CENPP: variants seen among roughly 807,000 people sequenced by gnomAD.
CENPP encodes the protein centromere protein P.
CENPP carries 24 observed loss-of-function variants against 35.6 expected under a neutral mutation model. The ratio of observed to expected loss-of-function variants is 0.67; its 90% CI spans 0.49 to 0.95. The LOEUF (loss-of-function observed/expected upper bound fraction) is 0.95, where lower values mean the gene tolerates loss of function less well. CENPP is among the 40% of genes least tolerant of loss of function. CENPP has a pLI of 0.00. For missense variants in CENPP, 332 were observed against 345.3 expected, an observed-to-expected ratio of 0.96 and a Z score of 0.31; for synonymous variants, 120 against 125.5, an observed-to-expected ratio of 0.96 and a Z score of 0.29.
intron 5 of CENPP, among the ~76,000 whole-genome samples, chr9:92,474,136 C>T (rs1845624480): frequency 6.6e-6 from 1 of 152,176 alleles, no homozygotes; most frequent in African/African-American, 2.4e-5. Context: ...AGACTTTATC[C>T]ACTTTTTTCT....
chr9:92,472,310 T>TA (rs1588158155), intron 5 of CENPP, among the ~76,000 whole-genome samples: 2 of 151,690 alleles, frequency 1.3e-5, no homozygotes, highest in East Asian at 3.9e-4. Context: ...TGAGCCAAGA[T>TA]AGTGCCACTG....
chr9:92,586,885 G>A (rs1410682119), intron 5 of CENPP, among the ~76,000 whole-genome samples: 1 of 151,886 alleles, frequency 6.6e-6, no homozygotes, highest in Non-Finnish European at 1.5e-5. Context: ...CCCTGAGGAC[G>A]GGAGAATTTG....
intron 5 of CENPP, among the ~76,000 whole-genome samples, chr9:92,426,919 C>T (rs1843982034): frequency 6.6e-6 from 1 of 152,162 alleles, no homozygotes; most frequent in Non-Finnish European, 1.5e-5. Context: ...GCACTTTAAG[C>T]AGCAACAAAC....
intron 5 of CENPP, among the ~76,000 whole-genome samples, chr9:92,595,814 G>A (rs941486688): frequency 9.2e-5 from 14 of 152,076 alleles, no homozygotes; most frequent in African/African-American, 3.1e-4. Flanking sequence ...TGCCCACCTC[G>A]GCCTCCCAAA....
intron 5 of CENPP, among the ~76,000 whole-genome samples, chr9:92,415,996 A>AT (rs1843583842): frequency 1.4e-5 from 2 of 145,494 alleles, no homozygotes; most frequent in Non-Finnish European, 3.0e-5. Flanking sequence ...ATAAATTATC[A>AT]GTTATATATA....
At chr9:92,461,743 A>G (rs1399088022) in intron 5 of CENPP, among the ~76,000 whole-genome samples, 1 of 152,128 alleles carries the variant, frequency 6.6e-6, no homozygotes, top group Non-Finnish European at 1.5e-5. Context: ...TTCTTGATGG[A>G]TTTATTAGCT....
intron 5 of CENPP, among the ~76,000 whole-genome samples, chr9:92,512,901 C>A (rs1170725642): frequency 6.6e-6 from 1 of 152,098 alleles, no homozygotes; most frequent in Non-Finnish European, 1.5e-5. Flanking sequence ...GGTGTATAGG[C>A]CACAGGAGGA....
intron 4 of CENPP, among the ~76,000 whole-genome samples, chr9:92,364,755 G>A (rs181208822): frequency 6.6e-6 from 1 of 152,260 alleles, no homozygotes; most frequent in East Asian, 1.9e-4. Flanking sequence ...GTTTTATGAA[G>A]CTTACAACCT....
At chr9:92,594,671 G>A (rs1850734488) in intron 5 of CENPP, among the ~76,000 whole-genome samples, 1 of 151,740 alleles carries the variant, frequency 6.6e-6, no homozygotes, top group Non-Finnish European at 1.5e-5. Flanking sequence ...AATTTCATTT[G>A]TGGCCAGGCA....
chr9:92,600,997 T>C (rs1588309033), intron 5 of CENPP, among the ~76,000 whole-genome samples: 1 of 152,296 alleles, frequency 6.6e-6, no homozygotes, highest in South Asian at 2.1e-4. Context: ...AGCAAGTTGC[T>C]GTGCTCCCTT....
At chr9:92,569,830 C>T (rs1473854622) in intron 5 of CENPP, among the ~76,000 whole-genome samples, 1 of 152,076 alleles carries the variant, frequency 6.6e-6, no homozygotes, top group Non-Finnish European at 1.5e-5. Flanking sequence ...GTATTTTATT[C>T]TCTTTGAAGC....
intron 5 of CENPP, among the ~76,000 whole-genome samples, chr9:92,506,994 G>A (rs1322593271): frequency 1.3e-5 from 2 of 152,040 alleles, no homozygotes; most frequent in African/African-American, 4.8e-5. Flanking sequence ...TGCAACCTCC[G>A]CCTCCCGGGT....
chr9:92,338,114 C>G (rs1451047685), intron 3 of CENPP, among the ~76,000 whole-genome samples: 2 of 152,064 alleles, frequency 1.3e-5, no homozygotes, highest in Non-Finnish European at 2.9e-5. Flanking sequence ...GAGTTTGAGA[C>G]CAGCGTGGGC....
intron 3 of CENPP, among the ~76,000 whole-genome samples, chr9:92,343,830 A>G (rs1192329980): frequency 1.3e-5 from 2 of 151,918 alleles, no homozygotes; most frequent in Non-Finnish European, 2.9e-5. Flanking sequence ...AGGCTTGGTT[A>G]CTTACATATA....
intron 5 of CENPP, among the ~76,000 whole-genome samples, chr9:92,568,994 T>C (rs1850066951): frequency 6.6e-6 from 1 of 152,214 alleles, no homozygotes; most frequent in African/African-American, 2.4e-5. Context: ...CTTTGTCAGA[T>C]GGGTAGATTG....
At chr9:92,359,516 C>G (rs893998895) in intron 4 of CENPP, among the ~76,000 whole-genome samples, 1 of 152,094 alleles carries the variant, frequency 6.6e-6, no homozygotes, top group African/African-American at 2.4e-5. Context: ...TATGTGCAAT[C>G]TCTTACAGAA....
chr9:92,378,906 T>C (rs1248804588), intron 4 of CENPP, among the ~76,000 whole-genome samples: 1 of 152,092 alleles, frequency 6.6e-6, no homozygotes, highest in Non-Finnish European at 1.5e-5. Context: ...TCAGTTCAGT[T>C]CTCACACTAA....
At chr9:92,457,239 T>C (rs758043075) in intron 5 of CENPP, 2 of 1,592,670 alleles carry the variant, frequency 1.3e-6, no homozygotes, top group Non-Finnish European at 1.7e-6. Flanking sequence ...ATTCCAAATG[T>C]AGGGATTTTT....
chr9:92,374,325 C>T (rs1022788977), intron 4 of CENPP, among the ~76,000 whole-genome samples: 1 of 151,524 alleles, frequency 6.6e-6, no homozygotes, highest in Non-Finnish European at 1.5e-5. Context: ...CTGTCTCAGC[C>T]TCCCAAGCAG....
Sources: gnomAD v4.1 joint callset for allele counts (sites outside exome capture counted in the v4.1 genomes callset) on GRCh38, gnomAD v4.1.1 for gene constraint, MANE v1.5 for transcripts, NCBI Gene and HGNC (gene_info 2026-07-23, HGNC 2026-07-21) for gene names.